Variants in MMP20 observed in about 807,000 individuals in gnomAD.
MMP20 encodes the protein matrix metalloproteinase-20.
MMP20 carries 50 observed loss-of-function variants against 51.8 expected under a neutral mutation model. The observed-to-expected ratio is 0.97, with a 90% CI of 0.77 to 1.22. The LOEUF (loss-of-function observed/expected upper bound fraction) is 1.22, where lower values mean the gene tolerates loss of function less well. MMP20 is among the 50% of genes most tolerant of loss of function. MMP20 has a pLI of 0.00. For missense variants in MMP20, 663 were observed against 601.4 expected (o/e 1.10, Z -1.07); for synonymous variants, 244 against 216.2 (o/e 1.13, Z -1.13).
chr11:102,593,441 G>C lies in MMP20; in HGVS notation c.1245C>G (p.Tyr415Ter), dbSNP rs1172056322. The C allele has an allele frequency of 1.2e-6, 2 of 1,613,738 alleles. No homozygotes were observed. The highest frequency in any genetic ancestry group is 3.3e-5 in the Admixed American group (2 of 60,006). Residue 415 changes from tyrosine (Y) to a stop codon, truncating the protein, a stop_gained and splice_region_variant, in exon 8 of 10, where the codon TAC (tyrosine) becomes TAG (stop). Coordinates refer to ENST00000260228, the MANE Select transcript of MMP20 (RefSeq NM_004771.4). LOFTEE classifies it high-confidence loss of function. ...AGTAAAAAGGAAAAAAGCCATACCT[G>C]TAGTATTCATCTCCCACAAAGAAAA... ...KTLFFVGDEY[Y>*]SYDERKRKME...
chr11:102,589,892 A>G (rs946115959), intron 8 of MMP20, among the ~76,000 whole-genome samples: 15 of 152,176 alleles, frequency 9.9e-5, no homozygotes, highest in African/African-American at 3.6e-4. Flanking sequence ...AAATCCTCAA[A>G]TAAAAACATC....
rs972608404 is a variant in MMP20 at position 102,611,854 on chromosome 11, C to T, written c.424G>A (p.Val142Met). 1.1e-5 allele frequency: 18 copies of T among 1,614,234 alleles called. No homozygotes were observed. The highest frequency in any genetic ancestry group is 1.5e-5 in the Non-Finnish European group (18 of 1,180,028). ...SMSSVEVDKA[V>M]EMALQAWSSA... ...CTCCAGGCCTGCAAGGCCATCTCCA[C>T]TGCTTTGTCCACCTCGACAGAACTC... Residue 142 changes from valine to methionine, a missense_variant, in exon 3 of 10, where the codon GTG (valine) becomes ATG (methionine). Coordinates refer to ENST00000260228, the MANE Select transcript of MMP20 (RefSeq NM_004771.4).
At chr11:102,597,301 T>C (rs1859392913) in intron 6 of MMP20, among the ~76,000 whole-genome samples, 1 of 152,222 alleles carries the variant, frequency 6.6e-6, no homozygotes. Flanking sequence ...GACAGTGATA[T>C]CTTGAATGAC....
chr11:102,594,517 A>T, intron 7 of MMP20, 104 bp downstream of exon 7: 1 of 1,458,732 alleles, frequency 6.9e-7, no homozygotes, highest in Non-Finnish European at 9.4e-7. Context: ...AGCAACTGAA[A>T]TGTGCTCCAT....
intron 8 of MMP20, among the ~76,000 whole-genome samples, chr11:102,586,273 G>T (rs919081639): frequency 6.6e-6 from 1 of 151,978 alleles, no homozygotes; most frequent in Non-Finnish European, 1.5e-5. Flanking sequence ...ACCCTTCTGG[G>T]CCTGGGCTTT....
Position 102,608,944 on chromosome 11 carries a change from T to A in MMP20, c.804A>T (p.Ala268=). The A allele has an allele frequency of 6.2e-7, 1 of 1,614,044 alleles. No homozygotes were observed. ...AGAAGGTAATAATCTTACCGTATAATGCCTGGATCCCTTTCACATCATCTT... is the reference window on the plus strand; with the variant it reads ...AGAAGGTAATAATCTTACCGTATAAAGCCTGGATCCCTTTCACATCATCTT... ...LPKDDVKGIQ[A]LYGPRKVFLG... is the part of the protein sequence containing the mutation. Residue 268 remains alanine (A), a synonymous_variant, in exon 5 of 10, where the codon GCA becomes GCT. Transcript: ENST00000260228.
At chr11:102,594,896 T>C (rs1255154103) in intron 6 of MMP20, 139 bp from the exon 7 acceptor site, 1 of 1,083,820 alleles carries the variant, frequency 9.2e-7, no homozygotes, top group African/African-American at 2.0e-5. Flanking sequence ...TGCCTTGTTT[T>C]TTTTCTCTTT....
chr11:102,603,805 A>C (rs1859478739), intron 6 of MMP20, among the ~76,000 whole-genome samples: 1 of 152,168 alleles, frequency 6.6e-6, no homozygotes, highest in African/African-American at 2.4e-5. Context: ...AGAAGATGAG[A>C]AGGTGGTGAC....
Position 102,577,551 on chromosome 11 carries a change from G to A in MMP20, c.1352-125C>T. ...GGAATTGTGAATTTGTCAGGTGGCA[G>A]TTAGCTTGTCTTCTGTCTTCATGCC... On this transcript the variant is annotated intron_variant, in intron 9 of 9. Transcript: ENST00000260228. 5 of 725,806 alleles carry A rather than the reference G, an allele frequency of 6.9e-6. No homozygotes were observed. The Admixed American group carries it at 8.1e-5, about 12-fold the overall frequency. The allele number at this position is 725,806 out of a possible 1,614,324, so 45.0% of individuals were successfully genotyped here.
At position 102,612,007 on chromosome 11, in the gene MMP20, G is replaced by A. The variant is rs1711416; in HGVS notation, c.375-104C>T. On this transcript the variant is annotated intron_variant, in intron 2 of 9. Transcript: ENST00000260228. ...ATGTTAAATGTAAATCTACAATTTAGATTTTTCTCTGAAATAATAATTCTT... is the reference window on the plus strand; with the variant it reads ...ATGTTAAATGTAAATCTACAATTTAAATTTTTCTCTGAAATAATAATTCTT... 0.46 allele frequency: 506,903 copies of A among 1,096,098 alleles called. 119,409 individuals carry two copies. Among genetic ancestry groups the A allele is most frequent in the South Asian group, 0.57 (41,835 of 73,030 alleles). 67.9% of individuals were successfully genotyped at this position (1,096,098 alleles called of 1,614,324 possible).
At chr11:102,600,183 G>T (rs922583024) in intron 6 of MMP20, among the ~76,000 whole-genome samples, 4 of 152,204 alleles carry the variant, frequency 2.6e-5, no homozygotes, top group Non-Finnish European at 4.4e-5. Flanking sequence ...CAGGGAGAAT[G>T]CGAAGGAGGA....
chr11:102,624,926 G>T (rs1230533355), intron 1 of MMP20, among the ~76,000 whole-genome samples: 1 of 152,024 alleles, frequency 6.6e-6, no homozygotes, highest in Non-Finnish European at 1.5e-5. Context: ...ATATTGCATG[G>T]TTTTCACAAG....
At chr11:102,584,137 A>G (rs1859227951) in intron 8 of MMP20, among the ~76,000 whole-genome samples, 1 of 152,190 alleles carries the variant, frequency 6.6e-6, no homozygotes, top group East Asian at 1.9e-4. Context: ...TCTCTTGGGT[A>G]TATCCTCAAG....
chr11:102,586,832 T>A (rs557806355), intron 8 of MMP20, among the ~76,000 whole-genome samples: 1 of 151,974 alleles, frequency 6.6e-6, no homozygotes, highest in Non-Finnish European at 1.5e-5. Flanking sequence ...AAAAAAATTG[T>A]TTCTTTTTTA....
intron 2 of MMP20, among the ~76,000 whole-genome samples, chr11:102,612,563 C>A (rs575106092): frequency 2.0e-5 from 3 of 152,008 alleles, no homozygotes; most frequent in Non-Finnish European, 4.4e-5. Flanking sequence ...TGAGAGAGGA[C>A]CTCTTTTTCC....
chr11:102,597,381 T>C (rs1325020907), intron 6 of MMP20, among the ~76,000 whole-genome samples: 1 of 152,246 alleles, frequency 6.6e-6, no homozygotes, highest in African/African-American at 2.4e-5. Flanking sequence ...CTTGAAACTT[T>C]TCACAAGTGG....
At chr11:102,620,096 C>T (rs571497484) in intron 1 of MMP20, among the ~76,000 whole-genome samples, 1 of 152,276 alleles carries the variant, frequency 6.6e-6, no homozygotes, top group East Asian at 1.9e-4. Flanking sequence ...TCACTCTCAC[C>T]TGCTTGTTTG....
At chr11:102,613,980 G>A (rs934369286) in intron 2 of MMP20, among the ~76,000 whole-genome samples, 1 of 152,224 alleles carries the variant, frequency 6.6e-6, no homozygotes, top group Non-Finnish European at 1.5e-5. Context: ...TAGCACCAGA[G>A]AAGAAGAGAA....
At chr11:102,596,372 T>A (rs950476273) in intron 6 of MMP20, among the ~76,000 whole-genome samples, 1 of 152,198 alleles carries the variant, frequency 6.6e-6, no homozygotes, top group Non-Finnish European at 1.5e-5. Context: ...TTAACTCCAC[T>A]GCTGACCAGC....
Sources: gnomAD v4.1 joint callset for allele counts (sites outside exome capture counted in the v4.1 genomes callset) on GRCh38, gnomAD v4.1.1 for gene constraint, MANE v1.5 for transcripts, NCBI Gene and HGNC (gene_info 2026-07-23, HGNC 2026-07-21) for gene names.